The following CAMK4 variants were observed in gnomAD, a reference collection of about 807,000 sequenced individuals.
The protein encoded by CAMK4 is calcium/calmodulin dependent protein kinase IV, also known as calcium/calmodulin-dependent protein kinase type IV.
CAMK4 carries 22 observed loss-of-function variants against 44.9 expected under a neutral mutation model. The ratio of observed to expected loss-of-function variants is 0.49; its 90% CI spans 0.35 to 0.70. The LOEUF (loss-of-function observed/expected upper bound fraction) is 0.70. Among genes scored for constraint, CAMK4 ranks in the 30% least tolerant of loss-of-function variants. The pLI is 0.01. For synonymous variants in CAMK4, 218 were observed against 215.4 expected (o/e 1.01, Z -0.11); for missense variants, 498 against 586.8 (o/e 0.85, Z 1.56).
chr5:111,337,688 A>G (rs1486574149), intron 1 of CAMK4, among the ~76,000 whole-genome samples: 1 of 151,214 alleles, frequency 6.6e-6, no homozygotes. Flanking sequence ...TATAAAAAGT[A>G]GAAATGTTAT....
rs565871568 is a variant in CAMK4 at position 111,271,594 on chromosome 5, C to T, written c.161+46950C>T. 5.3e-5 allele frequency among the ~76,000 whole-genome samples: 8 copies of T among 152,284 alleles called. No homozygotes were observed. In the South Asian group the frequency reaches 6.2e-4, roughly 12 times the overall value. On this transcript the variant is annotated intron_variant, in intron 1 of 10. Coordinates refer to ENST00000282356, the MANE Select transcript of CAMK4 (RefSeq NM_001744.6). ...AGCTGGAAGTCAGATGGATGTGAGA[C>T]TGCAACAAGCATTAGGTGGGAGCAT...
At chr5:111,464,287 G>A (rs996367072) in intron 7 of CAMK4, among the ~76,000 whole-genome samples, 2 of 151,408 alleles carry the variant, frequency 1.3e-5, no homozygotes, top group Admixed American at 6.6e-5. Flanking sequence ...CAGTAAAGAC[G>A]AAAAAAAGAA....
intron 1 of CAMK4, among the ~76,000 whole-genome samples, chr5:111,303,385 C>A (rs1362596713): frequency 9.9e-5 from 5 of 50,622 alleles, no homozygotes; most frequent in Non-Finnish European, 1.7e-4. Context: ...ATAACCAATA[C>A]AGAGAAGTGC....
At chr5:111,404,585 G>T (rs1229998085) in intron 5 of CAMK4, among the ~76,000 whole-genome samples, 1 of 152,170 alleles carries the variant, frequency 6.6e-6, no homozygotes, top group Non-Finnish European at 1.5e-5. Context: ...TGTCTGTCAT[G>T]GCCTTAGGTC....
chr5:111,229,040 A>C (rs994113816), intron 1 of CAMK4, among the ~76,000 whole-genome samples: 1 of 152,244 alleles, frequency 6.6e-6, no homozygotes, highest in African/African-American at 2.4e-5. Context: ...GCTCCAGGTC[A>C]CAGTGAGCAA....
chr5:111,469,119 G>A (rs1754951786), intron 7 of CAMK4, among the ~76,000 whole-genome samples: 1 of 120,376 alleles, frequency 8.3e-6, no homozygotes, highest in Non-Finnish European at 1.6e-5. Context: ...GCTCTAGTCT[G>A]GGCAACAAGA....
rs545705872 is a variant in CAMK4, at chr5:111,255,308, A to G, written c.161+30664A>G. On this transcript the variant is annotated intron_variant, in intron 1 of 10. Transcript: ENST00000282356. ...GCTCACTTTGGTGAGCTATGAATGG[A>G]AAAACTCTTCCCAAGTATCAAGCAA... Among the ~76,000 whole-genome samples the G allele has an allele frequency of 2.0e-5, 3 of 152,336 alleles. No homozygotes were observed. In the East Asian group the frequency reaches 5.8e-4, roughly 29 times the overall value.
intron 2 of CAMK4, among the ~76,000 whole-genome samples, chr5:111,362,335 G>C (rs918779448): frequency 6.6e-6 from 1 of 152,022 alleles, no homozygotes; most frequent in East Asian, 1.9e-4. Context: ...AATCATTCAT[G>C]TCTAACATTA....
At chr5:111,413,857 T>G (rs1008689203) in intron 5 of CAMK4, among the ~76,000 whole-genome samples, 4 of 151,820 alleles carry the variant, frequency 2.6e-5, no homozygotes, top group African/African-American at 9.7e-5. Flanking sequence ...GGGCAAAATA[T>G]AACCCAAAAA....
chr5:111,405,315 A>G (rs1752380800), intron 5 of CAMK4, among the ~76,000 whole-genome samples: 1 of 152,150 alleles, frequency 6.6e-6, no homozygotes, highest in Non-Finnish European at 1.5e-5. Context: ...TAAAAATACA[A>G]AAATTAGCTG....
chr5:111,298,045 G>T (rs1322238147), intron 1 of CAMK4, among the ~76,000 whole-genome samples: 3 of 152,158 alleles, frequency 2.0e-5, no homozygotes, highest in African/African-American at 7.2e-5. Flanking sequence ...AGTTGATGAA[G>T]TGCTGTCCTC....
chr5:111,481,619 T>C (rs1193150128), intron 9 of CAMK4, among the ~76,000 whole-genome samples: 1 of 152,170 alleles, frequency 6.6e-6, no homozygotes, highest in Non-Finnish European at 1.5e-5. Context: ...AAGCTCCTTA[T>C]TTTGCACATG....
intron 1 of CAMK4, among the ~76,000 whole-genome samples, chr5:111,230,568 A>G (rs1215953345): frequency 3.0e-4 from 37 of 123,768 alleles, no homozygotes; most frequent in African/African-American, 8.4e-4. Context: ...TTTGGGGGAA[A>G]AAAAAAAAAA....
intron 1 of CAMK4, among the ~76,000 whole-genome samples, chr5:111,259,695 A>G (rs570449790): frequency 6.6e-6 from 1 of 152,330 alleles, no homozygotes; most frequent in Non-Finnish European, 1.5e-5. Flanking sequence ...GTTTGAATTA[A>G]GAAAATGTGA....
intron 5 of CAMK4, among the ~76,000 whole-genome samples, chr5:111,406,577 GATTA>G (rs1490263328): frequency 6.6e-6 from 1 of 151,798 alleles, no homozygotes; most frequent in Non-Finnish European, 1.5e-5. Context: ...GAGAACTAAT[GATTA>G]ATTAAAGAAC....
chr5:111,422,296 ACGAGCAGGTGCTTG>A (rs1753061913), intron 5 of CAMK4, among the ~76,000 whole-genome samples: 1 of 152,220 alleles, frequency 6.6e-6, no homozygotes, highest in Non-Finnish European at 1.5e-5. Context: ...AAGTTCAGTA[ACGAGCAGGTGCTTG>A]CCAGTTTTTC....
chr5:111,392,799 A>G (rs966388320), intron 4 of CAMK4, among the ~76,000 whole-genome samples: 1 of 152,158 alleles, frequency 6.6e-6, no homozygotes, highest in Admixed American at 6.6e-5. Flanking sequence ...TCTAGGAGAC[A>G]ATGACTTATT....
At chr5:111,336,520 G>A (rs1272394841) in intron 1 of CAMK4, among the ~76,000 whole-genome samples, 1 of 150,784 alleles carries the variant, frequency 6.6e-6, no homozygotes, top group Non-Finnish European at 1.5e-5. Context: ...TTCCACATAA[G>A]TTCTTCTTTT....
At chr5:111,409,415 A>G (rs1752553419) in intron 5 of CAMK4, among the ~76,000 whole-genome samples, 1 of 152,202 alleles carries the variant, frequency 6.6e-6, no homozygotes, top group East Asian at 1.9e-4. Flanking sequence ...ACAAGGCACC[A>G]TATACCCCAG....
Sources: gnomAD v4.1 joint callset for allele counts (sites outside exome capture counted in the v4.1 genomes callset) on GRCh38, gnomAD v4.1.1 for gene constraint, MANE v1.5 for transcripts, NCBI Gene and HGNC (gene_info 2026-07-23, HGNC 2026-07-21) for gene names.